The following ANK3 variants were observed in gnomAD, a reference collection of about 807,000 sequenced individuals.
The protein encoded by ANK3 is ankyrin-3.
Under a neutral mutation model 370.9 loss-of-function variants are expected in ANK3, and 57 were observed. That is an observed-to-expected ratio of 0.15 (90% confidence interval 0.12 to 0.19). The LOEUF is 0.19. ANK3 is among the 10% of genes least tolerant of loss of function. The probability of loss-of-function intolerance (pLI) is 1.00; values close to 1 mark genes in which losing one functional copy is unlikely to be tolerated. For synonymous variants in ANK3, 1,929 were observed against 1,946.3 expected (o/e 0.99, Z 0.23); for missense variants, 4,439 against 5,302.1 (o/e 0.84, Z 5.06).
intron 10 of ANK3, among the ~76,000 whole-genome samples, chr10:60,206,686 G>T (rs917036863): frequency 1.3e-5 from 2 of 152,180 alleles, no homozygotes; most frequent in Non-Finnish European, 2.9e-5. Context: ...CTCCAAGCAT[G>T]CAGAAATGTA....
chr10:60,144,143 G>A lies in ANK3; in HGVS notation c.2615-5056C>T, dbSNP rs79513627. 5.5e-3 allele frequency: 2,260 copies of A among 408,020 alleles called. 22 individuals carry two copies. The highest frequency in any genetic ancestry group is 0.026 in the African/African-American group (1,222 of 46,716). The allele number at this position is 408,020 out of a possible 1,614,324, so 25.3% of individuals were successfully genotyped here. A position where few individuals can be genotyped will look rare whatever the true frequency, so the allele number is the denominator to read the frequency against. ...AGATCCCAAGACTCAGCTGAGCCCC[G>A]ATTAACTCACAGAACCAAGGTAGAT... On this transcript the variant is annotated intron_variant, in intron 23 of 43. Transcript: ENST00000280772.
At position 60,071,967 on chromosome 10, in the gene ANK3, A is replaced by G; in HGVS notation, c.8914T>C (p.Ser2972Pro). Residue 2972 changes from serine (S) to proline (P), a missense_variant, in exon 37 of 44, where the codon TCT becomes CCT. Ser to Pro is a moderately conservative substitution (Grantham distance 74). Coordinates refer to ENST00000280772, the MANE Select transcript of ANK3 (RefSeq NM_020987.5). ...CAAAAACCATCGGGAATATTAGAAG[A>G]CAGCATTCTCCTCTCATCAGCAACT... ...VRVADERRML[S>P]SNIPDGFCEQ... 1.9e-6 allele frequency: 3 copies of G among 1,614,114 alleles called. No homozygotes were observed. The highest frequency in any genetic ancestry group is 2.5e-6 in the Non-Finnish European group (3 of 1,180,004).
intron 1 of ANK3, among the ~76,000 whole-genome samples, chr10:60,379,714 G>T (rs1018137104): frequency 2.0e-5 from 3 of 151,990 alleles, no homozygotes; most frequent in African/African-American, 7.2e-5. Flanking sequence ...AGGCTGGAAA[G>T]GTAGGGGAAA....
intron 20 of ANK3, among the ~76,000 whole-genome samples, chr10:60,172,642 C>T (rs1162017527): frequency 6.6e-6 from 1 of 152,148 alleles, no homozygotes; most frequent in East Asian, 1.9e-4. Flanking sequence ...ATCAATGAAA[C>T]CAACACAATT....
At chr10:60,730,629 A>G (rs1274026901) in intron 1 of ANK3, among the ~76,000 whole-genome samples, 1 of 152,238 alleles carries the variant, frequency 6.6e-6, no homozygotes, top group African/African-American at 2.4e-5. Flanking sequence ...AAAATAAAAA[A>G]TTGCAATTAA....
intron 1 of ANK3, among the ~76,000 whole-genome samples, chr10:60,332,307 C>T (rs573114404): frequency 4.2e-4 from 64 of 152,274 alleles, no homozygotes; most frequent in Non-Finnish European, 4.0e-4. Context: ...CTTAATTATA[C>T]GCATAATATT....
At chr10:60,110,017 T>C (rs1346738367) in intron 26 of ANK3, among the ~76,000 whole-genome samples, 1 of 152,174 alleles carries the variant, frequency 6.6e-6, no homozygotes, top group East Asian at 1.9e-4. Context: ...TATCCCTGTA[T>C]TCTAGTTTCC....
At chr10:60,404,938 A>G (rs1457332661) in intron 2 of ANK3, among the ~76,000 whole-genome samples, 1 of 152,168 alleles carries the variant, frequency 6.6e-6, no homozygotes, top group African/African-American at 2.4e-5. Flanking sequence ...GTCAATACAT[A>G]CAGAGTTGGG....
At chr10:60,250,589 T>C (rs1235393463) in intron 7 of ANK3, among the ~76,000 whole-genome samples, 1 of 152,100 alleles carries the variant, frequency 6.6e-6, no homozygotes, top group Admixed American at 6.5e-5. Flanking sequence ...ATGGTCTCGA[T>C]CTCCTGACCT....
chr10:60,037,152 C>CTT (rs2075193577), intron 43 of ANK3, among the ~76,000 whole-genome samples: 3 of 152,290 alleles, frequency 2.0e-5, no homozygotes, highest in African/African-American at 7.2e-5. Flanking sequence ...GCTGAAGCCA[C>CTT]CATTATGGCT....
intron 2 of ANK3, among the ~76,000 whole-genome samples, chr10:60,501,501 T>C (rs1240544324): frequency 6.6e-6 from 1 of 151,952 alleles, no homozygotes; most frequent in African/African-American, 2.4e-5. Flanking sequence ...GGCCAGGAGT[T>C]TGAGACCAGC....
rs2078105267 is a variant in ANK3, at chr10:60,604,545, C to T, written c.96+10641G>A. 2.0e-5 allele frequency among the ~76,000 whole-genome samples: 3 copies of T among 152,184 alleles called. 1 individual carries two copies. In the South Asian group the frequency reaches 6.2e-4, roughly 32 times the overall value. On this transcript the variant is annotated intron_variant, in intron 2 of 43. Transcript: ENST00000373827. Reference sequence around the variant, plus strand: ...CTTGTGACAAAGCTTGTGAACTCCTCTCCTGGTTGCATAGCAACGAATCTA... The same window carrying T: ...CTTGTGACAAAGCTTGTGAACTCCTTTCCTGGTTGCATAGCAACGAATCTA...
At chr10:60,589,014 A>T (rs2077873776) in intron 2 of ANK3, among the ~76,000 whole-genome samples, 1 of 152,200 alleles carries the variant, frequency 6.6e-6, no homozygotes, top group Admixed American at 6.5e-5. Flanking sequence ...ACCAAAGGCA[A>T]CATGTACATC....
chr10:60,681,825 G>T lies in ANK3; in HGVS notation c.57+51438C>A, dbSNP rs78736621. On this transcript the variant is annotated intron_variant, in intron 1 of 43. Transcript: ENST00000373827. The stretch of plus-strand genomic sequence containing the variant: ...TGATAATGAAGATGGTTAAAAGACA[G>T]AGAAAGGACAGGGATCTAGAAAATG... Among the ~76,000 whole-genome samples the T allele has an allele frequency of 1.3e-3, 204 of 152,294 alleles. 4 individuals are homozygous for T. In the East Asian group the frequency reaches 0.035, roughly 26 times the overall value.
At chr10:60,466,832 T>A (rs946456861) in intron 2 of ANK3, among the ~76,000 whole-genome samples, 3 of 152,178 alleles carry the variant, frequency 2.0e-5, no homozygotes, top group Non-Finnish European at 4.4e-5. Context: ...ATGTATGATT[T>A]TGCTTATGTG....
intron 2 of ANK3, among the ~76,000 whole-genome samples, chr10:60,446,034 A>G (rs1382437586): frequency 6.6e-6 from 1 of 152,164 alleles, no homozygotes; most frequent in East Asian, 1.9e-4. Context: ...AAGGAAGGGA[A>G]AGCAGAAAGC....
At chr10:60,315,173 G>T (rs769209477) in intron 1 of ANK3, among the ~76,000 whole-genome samples, 34 of 152,318 alleles carry the variant, frequency 2.2e-4, no homozygotes, top group Non-Finnish European at 4.4e-4. Flanking sequence ...AGTCAGAACT[G>T]TAGGGCCAGA....
In ANK3 at chr10:60,457,712, ATTTC is replaced by A. The variant is rs536255465; in HGVS notation, c.96+157470_96+157473del. Among the ~76,000 whole-genome samples the A allele has an allele frequency of 7.2e-3, 1,100 of 152,220 alleles. 17 individuals carry two copies. The highest frequency in any genetic ancestry group is 0.024 in the African/African-American group (1,016 of 41,550). On this transcript the variant is annotated intron_variant, in intron 2 of 43. Transcript: ENST00000373827. ...AAAGAGTTAGAGTTAGGGCCTCCTG[ATTTC>A]TTTGAGAGAATATTCTCGAAGATTC...
rs575825202 is a variant in ANK3, at chr10:60,550,635, G to T, written c.96+64551C>A. On this transcript the variant is annotated intron_variant, in intron 2 of 43. Coordinates refer to the ANK3 transcript ENST00000373827. ...CTAAAAAACATAAAACAAAATGGCA[G>T]CATGAAAGTATAAACATTAAAAAAT... is the stretch of plus-strand genomic sequence containing the variant. 5.1e-4 allele frequency among the ~76,000 whole-genome samples: 78 copies of T among 152,044 alleles called. 1 individual carries two copies. The highest frequency in any genetic ancestry group is 1.9e-3 in the African/African-American group (77 of 41,504).
Sources: gnomAD v4.1 joint callset for allele counts (sites outside exome capture counted in the v4.1 genomes callset) on GRCh38, gnomAD v4.1.1 for gene constraint, MANE v1.5 for transcripts, NCBI Gene and HGNC (gene_info 2026-07-23, HGNC 2026-07-21) for gene names.